Variants in TRPC3 observed in about 807,000 individuals in gnomAD.
TRPC3 encodes transient receptor potential cation channel subfamily C member 3.
Under a neutral mutation model 90.9 loss-of-function variants are expected in TRPC3, and 54 were observed. That is an observed-to-expected ratio of 0.59 (90% CI 0.48 to 0.75). The LOEUF is 0.75. TRPC3 is among the 30% of genes least tolerant of loss of function. The probability of loss-of-function intolerance (pLI) is 0.00; values close to 1 mark genes in which losing one functional copy is unlikely to be tolerated. For synonymous variants in TRPC3, 424 were observed against 450.9 expected (o/e 0.94, Z 0.75); for missense variants, 918 against 1,194.5 (o/e 0.77, Z 3.41).
intron 10 of TRPC3, among the ~76,000 whole-genome samples, chr4:121,894,934 A>C (rs2149111921): frequency 6.6e-6 from 1 of 152,292 alleles, no homozygotes; most frequent in South Asian, 2.1e-4. Flanking sequence ...AAGTCTCAGG[A>C]ACTTAATAAA....
rs772423029 is a variant in TRPC3, at chr4:121,932,571, G to T, written c.687C>A (p.Arg229=). Residue 229 remains arginine, a synonymous_variant, in exon 2 of 12, where the codon CGC becomes CGA. Coordinates refer to ENST00000379645, the MANE Select transcript of TRPC3 (RefSeq NM_001130698.2). This position sits in a 1 kb window ranked among gnomAD's most constrained non-coding sequence, Gnocchi z 7.7. ...TGATGGGGGTGATGTCCGGCGAGAAGCGCGTGCCGTCCTCGTCGTAAGCGT... is the reference window on the plus strand; with the variant it reads ...TGATGGGGGTGATGTCCGGCGAGAATCGCGTGCCGTCCTCGTCGTAAGCGT... ...DFYAYDEDGT[R]FSPDITPIIL... 6.2e-7 allele frequency: 1 copy of T among 1,614,228 alleles called. No individual in the cohort carries two copies. Among genetic ancestry groups the T allele is most frequent in the Admixed American group, 1.7e-5 (1 of 60,028 alleles).
At chr4:121,915,279 A>T (rs1226637338) in intron 3 of TRPC3, among the ~76,000 whole-genome samples, 1 of 152,214 alleles carries the variant, frequency 6.6e-6, no homozygotes, top group Admixed American at 6.5e-5. Flanking sequence ...AATGTGTCCC[A>T]TCTTGCTGTT....
At position 121,925,033 on chromosome 4, in the gene TRPC3, C is replaced by T. The variant is rs551990807; in HGVS notation, c.1161G>A (p.Lys387=). The part of the protein sequence containing the change: ...ASLSRVKLAI[K]YEVKKFVAHP... ...GCCCACTCACCTTTTTGACTTCATA[C>T]TTAATGGCAAGTTTGACACGACTTA... Residue 387 remains lysine, a synonymous_variant, in exon 3 of 12, where the codon AAG becomes AAA. Transcript: ENST00000379645. 6 of 1,612,376 alleles carry T rather than the reference C, an allele frequency of 3.7e-6. No homozygotes were observed. The highest frequency in any genetic ancestry group is 1.7e-5 in the Admixed American group (1 of 59,724).
chr4:121,926,085 T>A (rs1485404393), intron 2 of TRPC3, among the ~76,000 whole-genome samples: 2 of 152,150 alleles, frequency 1.3e-5, no homozygotes, highest in African/African-American at 4.8e-5. Flanking sequence ...AAACCCTGAC[T>A]AATAGAGTCA....
rs1391745174 is a variant in TRPC3, at chr4:121,877,487, G to A, written c.*2249C>T. On this transcript the variant is annotated 3_prime_UTR_variant, in exon 12 of 12. Coordinates refer to ENST00000379645, the MANE Select transcript of TRPC3 (RefSeq NM_001130698.2). ...TGGGGAGGCGGAGGCATCACATCCC[G>A]AGCAAGGCTTCTTCTTTTTAGCTGA... Among the ~76,000 whole-genome samples the A allele has an allele frequency of 2.6e-5, 4 of 152,100 alleles. No individual in the cohort carries two copies. The highest frequency in any genetic ancestry group is 5.9e-5 in the Non-Finnish European group (4 of 68,016).
At chr4:121,918,525 A>T (rs1729398065) in intron 3 of TRPC3, among the ~76,000 whole-genome samples, 1 of 152,182 alleles carries the variant, frequency 6.6e-6, no homozygotes, top group African/African-American at 2.4e-5. Flanking sequence ...CCCATATGGC[A>T]TATATGTGAT....
chr4:121,926,532 G>C (rs186390029), intron 2 of TRPC3, among the ~76,000 whole-genome samples: 1 of 151,392 alleles, frequency 6.6e-6, no homozygotes, highest in Non-Finnish European at 1.5e-5. Context: ...TCAGCCTCCC[G>C]AGTAGCTGGG....
intron 1 of TRPC3, among the ~76,000 whole-genome samples, chr4:121,942,316 C>T (rs1015850424): frequency 1.3e-5 from 2 of 152,120 alleles, no homozygotes; most frequent in Non-Finnish European, 2.9e-5. Flanking sequence ...AATCCCAGTA[C>T]TTTGGGAGGC....
intron 9 of TRPC3, among the ~76,000 whole-genome samples, chr4:121,901,120 A>G (rs961090296): frequency 3.3e-5 from 5 of 152,236 alleles, no homozygotes; most frequent in Non-Finnish European, 7.3e-5. Context: ...CCTGTTGCCT[A>G]CAGAAAGAAA....
At position 121,932,898 on chromosome 4, in the gene TRPC3, G is replaced by C. The variant is rs1052798325; in HGVS notation, c.360C>G (p.Ala120=). 4.3e-6 allele frequency: 7 copies of C among 1,613,966 alleles called. No homozygotes were observed. Among genetic ancestry groups the C allele is most frequent in the East Asian group, 2.2e-5 (1 of 44,880 alleles). The change falls in exon 2 of 12, where the codon GCC becomes GCG. Residue 120 remains alanine, a synonymous_variant. Transcript: ENST00000379645. This position sits in a 1 kb window ranked among gnomAD's most constrained non-coding sequence, Gnocchi z 7.7. ...TAEEERFLDA[A]EYGNIPVVRK... ...GCACCACTGGGATGTTGCCGTACTC[G>C]GCGGCGTCGAGGAAGCGCTCCTCCT...
At position 121,951,958 on chromosome 4, in the gene TRPC3, T is replaced by G. The variant is rs1340324687; in HGVS notation, c.-278A>C. Among the ~76,000 whole-genome samples, 1 of 151,298 alleles carries G rather than the reference T, an allele frequency of 6.6e-6. No individual in the cohort carries two copies. The highest frequency in any genetic ancestry group is 1.5e-5 in the Non-Finnish European group (1 of 67,854). ...GGAAGCCCGGGGCCGAGCGGGGCTC[T>G]GGTGCTGGGAGAGGCTCTCCAGCCC... On this transcript the variant is annotated 5_prime_UTR_variant, in exon 1 of 12. Coordinates refer to ENST00000379645, the MANE Select transcript of TRPC3 (RefSeq NM_001130698.2). This position sits in a 1 kb window ranked among gnomAD's most constrained non-coding sequence, Gnocchi z 4.4.
chr4:121,919,180 G>T (rs1284744581), intron 3 of TRPC3, among the ~76,000 whole-genome samples: 1 of 152,120 alleles, frequency 6.6e-6, no homozygotes, highest in Non-Finnish European at 1.5e-5. Context: ...ATTATAAACT[G>T]AACCACTGAT....
At chr4:121,900,790 A>C (rs1728674641) in intron 9 of TRPC3, among the ~76,000 whole-genome samples, 1 of 152,208 alleles carries the variant, frequency 6.6e-6, no homozygotes, top group Non-Finnish European at 1.5e-5. Flanking sequence ...TGAAATCAAA[A>C]TTTTATTATT....
chr4:121,940,424 G>A (rs76795654), intron 1 of TRPC3, among the ~76,000 whole-genome samples: 5,372 of 152,240 alleles, frequency 0.035, 328 homozygotes, highest in African/African-American at 0.12. Flanking sequence ...GACTTTTGTT[G>A]CAGGCAGATT....
intron 2 of TRPC3, among the ~76,000 whole-genome samples, chr4:121,928,858 T>C (rs1729802738): frequency 6.6e-6 from 1 of 152,010 alleles, no homozygotes; most frequent in Admixed American, 6.6e-5. Context: ...GAAATTCAAC[T>C]CTTAACAGGC....
chr4:121,939,386 A>G (rs1730230882), intron 1 of TRPC3, among the ~76,000 whole-genome samples: 1 of 152,170 alleles, frequency 6.6e-6, no homozygotes, highest in Non-Finnish European at 1.5e-5. Flanking sequence ...TTATTCCTCT[A>G]ATTCATCCTG....
At chr4:121,948,362 TG>T (rs1234476547) in intron 1 of TRPC3, among the ~76,000 whole-genome samples, 35 of 82,174 alleles carry the variant, frequency 4.3e-4, no homozygotes, top group African/African-American at 1.2e-3. Flanking sequence ...AGATTCTAGC[TG>T]GTTTTTTTTT....
At chr4:121,926,613 G>T (rs1729723703) in intron 2 of TRPC3, among the ~76,000 whole-genome samples, 1 of 151,968 alleles carries the variant, frequency 6.6e-6, no homozygotes, top group African/African-American at 2.4e-5. Context: ...CACCATATTG[G>T]CCAGACTGGT....
At chr4:121,914,709 G>A in intron 4 of TRPC3, 71 bp downstream of exon 4, 2 of 1,398,882 alleles carry the variant, frequency 1.4e-6, no homozygotes, top group Non-Finnish European at 1.9e-6. Context: ...TAAGCATGAA[G>A]CTTTTTATTT....
Sources: allele counts gnomAD v4.1 joint callset (sites outside exome capture counted in the v4.1 genomes callset), GRCh38; gene constraint gnomAD v4.1.1; non-coding constraint Gnocchi (gnomAD v3.1); transcripts MANE v1.5; gene names NCBI Gene and HGNC (gene_info 2026-07-23, HGNC 2026-07-21).